Variants in RPS6KA1 observed in about 807,000 individuals in gnomAD.
RPS6KA1 encodes the protein ribosomal protein S6 kinase A1.
In RPS6KA1, 48 loss-of-function variants were observed where a neutral mutation model predicts 91.3. That is an observed-to-expected ratio of 0.53 (90% CI 0.42 to 0.67). The LOEUF is 0.67. Ranked by LOEUF, RPS6KA1 falls within the 30% of genes least tolerant of loss-of-function variation. The probability of loss-of-function intolerance (pLI) is 0.00; values close to 1 mark genes in which losing one functional copy is unlikely to be tolerated. For synonymous variants in RPS6KA1, 359 were observed against 384.7 expected, an observed-to-expected ratio of 0.93 and a Z score of 0.78; for missense variants, 719 against 960.5, an observed-to-expected ratio of 0.75 and a Z score of 3.32.
Position 26,554,352 on chromosome 1 carries a change from C to T in RPS6KA1, c.613+101C>T, listed in dbSNP as rs1266271306. On this transcript the variant is annotated intron_variant, in intron 8 of 21. Coordinates refer to ENST00000374168, the MANE Select transcript of RPS6KA1 (RefSeq NM_002953.4). This position sits in a 1 kb window ranked among gnomAD's most constrained non-coding sequence, Gnocchi z 4.6. The stretch of plus-strand genomic sequence containing the variant: ...TGGGGGCTCATTCTTCCCGAGAAGC[C>T]GTGCCAGTTACTTGGAAGTGGTCAA... The T allele has an allele frequency of 2.0e-5, 26 of 1,315,462 alleles. No homozygotes were observed. Among genetic ancestry groups the T allele is most frequent in the East Asian group, 5.1e-5 (2 of 39,304 alleles). The allele number at this position is 1,315,462 out of a possible 1,614,324, so 81.5% of individuals were successfully genotyped here.
chr1:26,553,989 G>A, intron 7 of RPS6KA1: 1 of 490,766 alleles, frequency 2.0e-6, no homozygotes, highest in Non-Finnish European at 3.7e-6. Flanking sequence ...AGCAAAACGG[G>A]GCCCTAATAG....
chr1:26,572,052 C>T, intron 19 of RPS6KA1, 124 bp from the exon 20 acceptor site: 1 of 1,305,720 alleles, frequency 7.7e-7, no homozygotes, highest in Non-Finnish European at 1.1e-6. Context: ...GGGACATGCT[C>T]CTGCCTCCAG....
Position 26,558,875 on chromosome 1 carries a change from G to A in RPS6KA1, c.1153G>A (p.Gly385Ser), listed in dbSNP as rs140901694. The change falls in exon 14 of 22, where the codon GGC becomes AGC. Residue 385 changes from glycine to serine, a missense_variant. Gly to Ser is a moderately conservative substitution (Grantham distance 56). Transcript: ENST00000374168. The surrounding 1 kb of genome is among the most constrained non-coding windows in gnomAD (Gnocchi z 4.0). ...LFRGFSFVAT[G>S]LMEDDGKPRA... is the part of the protein sequence containing the mutation. ...CCGGGGCTTCAGCTTCGTGGCCACC[G>A]GCCTGATGGAAGACGACGGCAAGCC... The A allele has an allele frequency of 2.3e-4, 368 of 1,613,882 alleles. 2 individuals are homozygous for A. In the African/African-American group the frequency reaches 3.3e-3, roughly 14 times the overall value.
Position 26,547,261 on chromosome 1 carries a change from A to G in RPS6KA1, c.298A>G (p.Thr100Ala). 1 of 1,613,766 alleles carries G rather than the reference A, an allele frequency of 6.2e-7. No homozygotes were observed. Among genetic ancestry groups the G allele is most frequent in the Non-Finnish European group, 8.5e-7 (1 of 1,179,934 alleles). Residue 100 changes from threonine to alanine, a missense_variant, in exon 4 of 22, where the codon ACG (threonine) becomes GCG (alanine). Transcript: ENST00000374168. This position sits in a 1 kb window ranked among gnomAD's most constrained non-coding sequence, Gnocchi z 4.1. ...TGCTATGAAGGTGCTGAAGAAGGCA[A>G]CGCTGAAAGGTGAGTGGGGACACCT... The part of the protein sequence containing the change: ...LYAMKVLKKA[T>A]LKVRDRVRTK...
In RPS6KA1 at chr1:26,571,383, G is replaced by A; in HGVS notation, c.1591-66G>A. 4 of 1,512,238 alleles carry A rather than the reference G, an allele frequency of 2.6e-6. No individual in the cohort carries two copies. Among genetic ancestry groups the A allele is most frequent in the Non-Finnish European group, 3.7e-6 (4 of 1,094,410 alleles). The allele number at this position is 1,512,238 out of a possible 1,614,324, so 93.7% of individuals were successfully genotyped here. On this transcript the variant is annotated intron_variant, in intron 17 of 21. Coordinates refer to ENST00000374168, the MANE Select transcript of RPS6KA1 (RefSeq NM_002953.4). This position sits in a 1 kb window ranked among gnomAD's most constrained non-coding sequence, Gnocchi z 5.1. ...CTGTCTGTGTAGCTTTCTAATCTCT[G>A]GCCGCTGACCTGGGCCACTAGCCAC...
chr1:26,551,476 T>C lies in RPS6KA1; in HGVS notation c.387T>C (p.Tyr129=), dbSNP rs1451479017. The change falls in exon 5 of 22, where the codon TAT becomes TAC. Residue 129 remains tyrosine, a splice_region_variant and synonymous_variant. Coordinates refer to ENST00000374168, the MANE Select transcript of RPS6KA1 (RefSeq NM_002953.4). The surrounding 1 kb of genome is among the most constrained non-coding windows in gnomAD (Gnocchi z 4.5). ...VNHPFVVKLH[Y]AFQTEGKLYL... ...ACCCATTCGTGGTGAAGCTGCACTA[T>C]GGTAAAGCTTCTGGCCCTGCCTGAG... 1 of 1,614,086 alleles carries C rather than the reference T, an allele frequency of 6.2e-7. No homozygotes were observed. The highest frequency in any genetic ancestry group is 8.5e-7 in the Non-Finnish European group (1 of 1,179,950).
intron 17 of RPS6KA1, among the ~76,000 whole-genome samples, chr1:26,565,001 G>T (rs2076186792): frequency 1.3e-5 from 2 of 152,358 alleles, no homozygotes; most frequent in South Asian, 4.1e-4. Context: ...GAGGGGAGCT[G>T]CCTCCAGAGG....
chr1:26,556,809 G>A, intron 12 of RPS6KA1, 91 bp downstream of exon 12: 3 of 1,488,248 alleles, frequency 2.0e-6, no homozygotes, highest in Non-Finnish European at 2.8e-6. Context: ...CTGCCAGCGA[G>A]GGCCCCAGAC....
At chr1:26,532,955 G>A (rs997200295) in intron 1 of RPS6KA1, among the ~76,000 whole-genome samples, 6 of 152,282 alleles carry the variant, frequency 3.9e-5, no homozygotes, top group African/African-American at 1.2e-4. Context: ...TGCAAGGTCA[G>A]CACCATTGTC....
intron 7 of RPS6KA1, 51 bp downstream of exon 7, chr1:26,553,548 T>C (rs759171184): frequency 1.6e-6 from 2 of 1,223,618 alleles, no homozygotes; most frequent in African/African-American, 3.0e-5. Context: ...AGGCCTCTTC[T>C]AGGACAGGGC....
intron 20 of RPS6KA1, among the ~76,000 whole-genome samples, chr1:26,572,969 CT>C (rs1329185248): frequency 5.9e-5 from 9 of 152,344 alleles, no homozygotes; most frequent in Admixed American, 3.3e-4. Flanking sequence ...CTTTTCCCAC[CT>C]TCCCACATGG....
chr1:26,554,082 C>A lies in RPS6KA1; in HGVS notation c.576-132C>A. The A allele has an allele frequency of 1.1e-6, 1 of 918,218 alleles. No homozygotes were observed. Among genetic ancestry groups the A allele is most frequent in the Non-Finnish European group, 1.6e-6 (1 of 609,094 alleles). The allele number at this position is 918,218 out of a possible 1,614,324, so 56.9% of individuals were successfully genotyped here. On this transcript the variant is annotated intron_variant, in intron 7 of 21. Coordinates refer to ENST00000374168, the MANE Select transcript of RPS6KA1 (RefSeq NM_002953.4). This position sits in a 1 kb window ranked among gnomAD's most constrained non-coding sequence, Gnocchi z 4.6. ...GTGGTACTGCTACCACCCTGCAACACCCGCCCAGTCATCAGAGAGAATTGG... is the reference window on the plus strand; with the variant it reads ...GTGGTACTGCTACCACCCTGCAACAACCGCCCAGTCATCAGAGAGAATTGG...
rs183747492 is a variant in RPS6KA1 at position 26,540,877 on chromosome 1, G to A, written c.108+3908G>A. ...ACGATCTTGGCTCACCACAACCTCC[G>A]CCTCCTAGGTTCAAGCGATTCTCCT... On this transcript the variant is annotated intron_variant, in intron 2 of 21. Coordinates refer to ENST00000374168, the MANE Select transcript of RPS6KA1 (RefSeq NM_002953.4). This position sits in a 1 kb window ranked among gnomAD's most constrained non-coding sequence, Gnocchi z 4.2. Among the ~76,000 whole-genome samples, 8 of 152,138 alleles carry A rather than the reference G, an allele frequency of 5.3e-5. No homozygotes were observed. Among genetic ancestry groups the A allele is most frequent in the East Asian group, 3.9e-4 (2 of 5,158 alleles).
chr1:26,530,789 T>C lies in RPS6KA1; in HGVS notation c.63+806T>C, dbSNP rs1330256500. On this transcript the variant is annotated intron_variant, in intron 1 of 21. Coordinates refer to ENST00000374168, the MANE Select transcript of RPS6KA1 (RefSeq NM_002953.4). ...TTGAGGGCTCTGTGGCTCCAGTCCC[T>C]AAGCGTGCAGAAGGCCACCTCTTCC... is the stretch of plus-strand genomic sequence containing the variant. The C allele has an allele frequency of 5.4e-6, 7 of 1,288,698 alleles. No individual in the cohort carries two copies. The East Asian group carries it at 3.9e-4, about 72-fold the overall frequency. 79.8% of individuals were successfully genotyped at this position (1,288,698 alleles called of 1,614,324 possible). A position where few individuals can be genotyped will look rare whatever the true frequency, so the allele number is the denominator to read the frequency against.
At chr1:26,564,277 G>A (rs1254163269) in intron 17 of RPS6KA1, among the ~76,000 whole-genome samples, 1 of 151,640 alleles carries the variant, frequency 6.6e-6, no homozygotes, top group Non-Finnish European at 1.5e-5. Flanking sequence ...ATTTATTTTT[G>A]AGACGGAGTC....
chr1:26,549,690 C>CTTTTTTTTTTTTT (rs561375723), intron 4 of RPS6KA1, among the ~76,000 whole-genome samples: 6 of 101,916 alleles, frequency 5.9e-5, no homozygotes, highest in Non-Finnish European at 9.4e-5. Context: ...AAAGCCTGTT[C>CTTTTTTTTTTTTT]TTTTTTTTTT....
chr1:26,563,288 A>G (rs375467300), intron 17 of RPS6KA1, among the ~76,000 whole-genome samples: 1 of 151,938 alleles, frequency 6.6e-6, no homozygotes, highest in African/African-American at 2.4e-5. Context: ...ATGCAGTGAC[A>G]CAATTGCAGT....
Position 26,555,955 on chromosome 1 carries a change from TCTGTGTCAGGTCCCCACTGC to T in RPS6KA1, c.916+334_916+353del. ...AGAAGGCATAGGTCCCAATCCCGGC[TCTGTGTCAGGTCCCCACTGC>T]CTGGCACAAAACAGTCCCTCTATAA... On this transcript the variant is annotated intron_variant, in intron 11 of 21. Transcript: ENST00000374168. This position sits in a 1 kb window ranked among gnomAD's most constrained non-coding sequence, Gnocchi z 4.3. 2 of 419,788 alleles carry T rather than the reference TCTGTGTCAGGTCCCCACTGC, an allele frequency of 4.8e-6. No individual in the cohort carries two copies. Among genetic ancestry groups the T allele is most frequent in the Non-Finnish European group, 8.8e-6 (2 of 227,354 alleles). 26.0% of individuals were successfully genotyped at this position (419,788 alleles called of 1,614,324 possible). A position where few individuals can be genotyped will look rare whatever the true frequency, so the allele number is the denominator to read the frequency against.
intron 2 of RPS6KA1, among the ~76,000 whole-genome samples, chr1:26,542,425 C>A (rs2075955733): frequency 6.6e-6 from 1 of 152,194 alleles, no homozygotes; most frequent in Non-Finnish European, 1.5e-5. Context: ...GGGTTGTCTG[C>A]GGACAGGGTT....
Sources: allele counts gnomAD v4.1 joint callset (sites outside exome capture counted in the v4.1 genomes callset), GRCh38; gene constraint gnomAD v4.1.1; non-coding constraint Gnocchi (gnomAD v3.1); transcripts MANE v1.5; gene names NCBI Gene and HGNC (gene_info 2026-07-23, HGNC 2026-07-21).